Variants in CDH18 observed in about 807,000 individuals in gnomAD.
CDH18 encodes cadherin 18, also known as cadherin-18.
CDH18 carries 31 observed loss-of-function variants against 67.9 expected under a neutral mutation model. The observed-to-expected ratio is 0.46, with a 90% CI of 0.34 to 0.62. The LOEUF is 0.62. Ranked by LOEUF, CDH18 falls within the 20% of genes least tolerant of loss-of-function variation. CDH18 has a pLI of 0.01. For missense variants in CDH18, 890 were observed against 975.5 expected, an observed-to-expected ratio of 0.91 and a Z score of 1.17; for synonymous variants, 362 against 347.2, an observed-to-expected ratio of 1.04 and a Z score of -0.48.
chr5:19,803,500 G>A (rs970897243), intron 3 of CDH18, among the ~76,000 whole-genome samples: 5 of 152,088 alleles, frequency 3.3e-5, no homozygotes, highest in South Asian at 2.1e-4. Flanking sequence ...AGTGACTATC[G>A]TAATAGTGCA....
At chr5:20,177,166 C>T (rs761512463) in intron 2 of CDH18, among the ~76,000 whole-genome samples, 2 of 151,950 alleles carry the variant, frequency 1.3e-5, no homozygotes, top group Non-Finnish European at 2.9e-5. Flanking sequence ...GGTTGTTTTC[C>T]TCTATGGTTT....
At chr5:19,511,606 G>C (rs902216480) in intron 10 of CDH18, among the ~76,000 whole-genome samples, 2 of 152,176 alleles carry the variant, frequency 1.3e-5, no homozygotes, top group African/African-American at 4.8e-5. Flanking sequence ...CTTTAGCAAA[G>C]AGACTGGTGG....
Position 20,517,277 on chromosome 5 carries a change from A to G in CDH18, c.-580+58185T>C, listed in dbSNP as rs1248233401. ...TACTTGAAAAATTATTTGCTTATAT[A>G]TTTTTGTTTATTCAAGAAGACAGGA... On this transcript the variant is annotated intron_variant, in intron 1 of 14. Transcript: ENST00000507958. Among the ~76,000 whole-genome samples the G allele has an allele frequency of 2.6e-5, 4 of 151,698 alleles. 1 individual carries two copies. In the East Asian group the frequency reaches 7.8e-4, roughly 29 times the overall value.
At chr5:19,581,849 G>A (rs940562598) in intron 7 of CDH18, among the ~76,000 whole-genome samples, 7 of 152,084 alleles carry the variant, frequency 4.6e-5, no homozygotes, top group South Asian at 2.1e-4. Flanking sequence ...TTTAAGCAGC[G>A]TTTCTCCAGC....
At chr5:20,152,058 T>C (rs1337677340) in intron 2 of CDH18, among the ~76,000 whole-genome samples, 1 of 148,798 alleles carries the variant, frequency 6.7e-6, no homozygotes, top group East Asian at 1.9e-4. Flanking sequence ...GAGAACCTTT[T>C]TGGGTAAGAG....
At chr5:20,008,519 A>G (rs924866748) in intron 2 of CDH18, among the ~76,000 whole-genome samples, 3 of 152,166 alleles carry the variant, frequency 2.0e-5, no homozygotes, top group Admixed American at 2.0e-4. Flanking sequence ...GTTTCCCACG[A>G]AAGTTAATGC....
chr5:20,310,835 A>G (rs1477563374), intron 1 of CDH18, among the ~76,000 whole-genome samples: 5 of 152,124 alleles, frequency 3.3e-5, no homozygotes, highest in Admixed American at 3.3e-4. Context: ...CCTCATTGCA[A>G]CACCAACTGC....
chr5:19,572,786 T>G (rs1295992095), intron 7 of CDH18, among the ~76,000 whole-genome samples: 1 of 152,148 alleles, frequency 6.6e-6, no homozygotes, highest in Non-Finnish European at 1.5e-5. Flanking sequence ...TTTCAACATA[T>G]GAATTTTGAG....
chr5:19,624,621 G>A (rs1751232466), intron 5 of CDH18, among the ~76,000 whole-genome samples: 1 of 152,150 alleles, frequency 6.6e-6, no homozygotes, highest in Non-Finnish European at 1.5e-5. Flanking sequence ...GATGAGTGCT[G>A]TCCTGGAAAT....
chr5:20,224,236 G>A (rs1399922833), intron 2 of CDH18, among the ~76,000 whole-genome samples: 2 of 151,996 alleles, frequency 1.3e-5, no homozygotes, highest in Non-Finnish European at 2.9e-5. Context: ...TATAGGTCAA[G>A]TATTTAATCA....
intron 1 of CDH18, among the ~76,000 whole-genome samples, chr5:20,270,158 T>TA (rs72464138): frequency 5.4e-4 from 80 of 149,166 alleles, no homozygotes; most frequent in Non-Finnish European, 8.3e-4. Context: ...TTTCTTTGTT[T>TA]AAAAAAAAAA....
chr5:20,376,121 T>C (rs1743410714), intron 1 of CDH18, among the ~76,000 whole-genome samples: 1 of 139,370 alleles, frequency 7.2e-6, no homozygotes, highest in Non-Finnish European at 1.5e-5. Context: ...TGAGACGGAG[T>C]CTCCCTCTGT....
intron 2 of CDH18, among the ~76,000 whole-genome samples, chr5:19,976,869 G>A (rs1049854424): frequency 5.3e-5 from 8 of 152,072 alleles, no homozygotes; most frequent in African/African-American, 1.9e-4. Context: ...ATATTGTTTT[G>A]TAGAGATTTT....
intron 1 of CDH18, among the ~76,000 whole-genome samples, chr5:20,452,809 G>A (rs752418663): frequency 1.3e-5 from 2 of 150,754 alleles, no homozygotes; most frequent in African/African-American, 2.5e-5. Context: ...AGTAACTTAT[G>A]AGTGAGAATT....
intron 1 of CDH18, among the ~76,000 whole-genome samples, chr5:20,490,334 C>T (rs1438209636): frequency 1.3e-5 from 2 of 151,904 alleles, no homozygotes; most frequent in Admixed American, 6.6e-5. Flanking sequence ...TATCAATAGC[C>T]AATGAGACTA....
chr5:20,207,385 T>C (rs1739982047), intron 2 of CDH18, among the ~76,000 whole-genome samples: 1 of 151,980 alleles, frequency 6.6e-6, no homozygotes, highest in Non-Finnish European at 1.5e-5. Flanking sequence ...ATTAATATTG[T>C]TAAAATAACA....
At chr5:19,940,630 C>T (rs1002023402) in intron 2 of CDH18, among the ~76,000 whole-genome samples, 29 of 152,036 alleles carry the variant, frequency 1.9e-4, no homozygotes, top group African/African-American at 6.8e-4. Flanking sequence ...TTTTCACTTA[C>T]TGGCCTTTGT....
chr5:19,665,226 G>A (rs1757744297), intron 5 of CDH18, among the ~76,000 whole-genome samples: 1 of 151,890 alleles, frequency 6.6e-6, no homozygotes. Context: ...CTAAATGAAA[G>A]ATTTATTAGA....
intron 2 of CDH18, among the ~76,000 whole-genome samples, chr5:19,866,595 C>A (rs1475409658): frequency 6.6e-6 from 1 of 151,910 alleles, no homozygotes; most frequent in Non-Finnish European, 1.5e-5. Flanking sequence ...GGGAAAGGTG[C>A]AGAAAAAGAA....
Sources: allele counts gnomAD v4.1 joint callset (sites outside exome capture counted in the v4.1 genomes callset), GRCh38; gene constraint gnomAD v4.1.1; transcripts MANE v1.5; gene names NCBI Gene and HGNC (gene_info 2026-07-23, HGNC 2026-07-21).